Variants in SSBP3 observed in about 807,000 individuals in gnomAD.
The protein encoded by SSBP3 is single stranded DNA binding protein 3, also known as single-stranded DNA-binding protein 3.
SSBP3 carries 5 observed loss-of-function variants against 69.6 expected under a neutral mutation model. The observed-to-expected ratio is 0.07, with a 90% CI of 0.04 to 0.15. SSBP3 has a LOEUF of 0.15. Among genes scored for constraint, SSBP3 ranks in the 10% least tolerant of loss-of-function variants. The probability of loss-of-function intolerance (pLI) is 1.00; values close to 1 mark genes in which losing one functional copy is unlikely to be tolerated. For missense variants in SSBP3, 312 were observed against 534.0 expected, an observed-to-expected ratio of 0.58 and a Z score of 4.10; for synonymous variants, 196 against 193.4, an observed-to-expected ratio of 1.01 and a Z score of -0.11.
Position 54,337,485 on chromosome 1 carries a change from C to CTTTTTTTTTTTTTTTTTTTTT in SSBP3, c.277-55979_277-55959dup, listed in dbSNP as rs869039822. ...ACCAAAGCATTTTGTTTTCCTCAAGCTTTTTTTTTTTTTTTTTTTTTTTTT... is the reference window on the plus strand; with the variant it reads ...ACCAAAGCATTTTGTTTTCCTCAAGCTTTTTTTTTTTTTTTTTTTTTTTTTTTTTTTTTTTTTTTTTTTTTT... On this transcript the variant is annotated intron_variant, in intron 4 of 17. Transcript: ENST00000610401. Among the ~76,000 whole-genome samples, 13 of 51,166 alleles carry CTTTTTTTTTTTTTTTTTTTTT rather than the reference C, an allele frequency of 2.5e-4. 4 individuals carry two copies. The highest frequency in any genetic ancestry group is 1.7e-3 in the South Asian group (2 of 1,190). The allele number at this position is 51,166 out of a possible 152,430, so 33.6% of individuals were successfully genotyped here. A position where few individuals can be genotyped will look rare whatever the true frequency, so the allele number is the denominator to read the frequency against.
exon 18 of SSBP3, chr1:54,225,462 G>C: frequency 3.3e-6 from 4 of 1,205,080 alleles, no homozygotes; most frequent in Non-Finnish European, 4.2e-6. Flanking sequence ...TTAATAAAAC[G>C]TTATCAACAT....
At position 54,398,098 on chromosome 1, in the gene SSBP3, T is replaced by C. The variant is rs139647845; in HGVS notation, c.276+3763A>G. On this transcript the variant is annotated intron_variant, in intron 4 of 17. Transcript: ENST00000610401. ...GTCAATAAAAGCTGAGAGGCAGAAC[T>C]AGAAAGATAGAGGATTTCTAGTCTC... Among the ~76,000 whole-genome samples, 4 of 152,288 alleles carry C rather than the reference T, an allele frequency of 2.6e-5. No individual in the cohort carries two copies. The East Asian group carries it at 7.7e-4, about 29-fold the overall frequency.
intron 9 of SSBP3, among the ~76,000 whole-genome samples, chr1:54,244,827 C>T (rs539923260): frequency 1.3e-5 from 2 of 152,266 alleles, no homozygotes; most frequent in African/African-American, 2.4e-5. Context: ...CCCACCCCTT[C>T]GGGCTGACTG....
chr1:54,304,327 C>G (rs1210887330), intron 4 of SSBP3, among the ~76,000 whole-genome samples: 2 of 151,850 alleles, frequency 1.3e-5, no homozygotes, highest in Non-Finnish European at 2.9e-5. Flanking sequence ...TGGCCTGGAA[C>G]CAGTCACCTA....
chr1:54,256,768 T>A (rs1325444949), intron 7 of SSBP3, among the ~76,000 whole-genome samples: 1 of 152,150 alleles, frequency 6.6e-6, no homozygotes, highest in Non-Finnish European at 1.5e-5. Flanking sequence ...ATTAGCTTCA[T>A]TAAGGAGGAA....
intron 9 of SSBP3, among the ~76,000 whole-genome samples, chr1:54,243,613 C>T (rs888725634): frequency 6.6e-6 from 1 of 152,190 alleles, no homozygotes; most frequent in African/African-American, 2.4e-5. Context: ...TCATCCTGTA[C>T]CTTCCCCCTG....
intron 4 of SSBP3, among the ~76,000 whole-genome samples, chr1:54,376,373 A>G (rs1647237088): frequency 6.6e-6 from 1 of 152,052 alleles, no homozygotes; most frequent in Non-Finnish European, 1.5e-5. Flanking sequence ...CCCACTACCC[A>G]TTTCTTGCTT....
rs1341950375 is a variant in SSBP3, at chr1:54,391,326, T to C, written c.276+10535A>G. On this transcript the variant is annotated intron_variant, in intron 4 of 17. Coordinates refer to ENST00000610401, the Ensembl canonical transcript of SSBP3. The stretch of plus-strand genomic sequence containing the variant: ...ACCAGACAACTTACCCAAGGCCATC[T>C]GAAAGAATCAGATCTTGTACCTTGG... Among the ~76,000 whole-genome samples the C allele has an allele frequency of 2.0e-5, 3 of 152,236 alleles. No homozygotes were observed. The East Asian group carries it at 5.8e-4, about 29-fold the overall frequency.
At chr1:54,288,435 A>G (rs941697915) in intron 4 of SSBP3, among the ~76,000 whole-genome samples, 1 of 152,218 alleles carries the variant, frequency 6.6e-6, no homozygotes, top group Non-Finnish European at 1.5e-5. Context: ...TGTCAGGGCC[A>G]GGCCATCAGA....
chr1:54,354,837 G>A (rs973006448), intron 4 of SSBP3, among the ~76,000 whole-genome samples: 1 of 152,236 alleles, frequency 6.6e-6, no homozygotes, highest in Non-Finnish European at 1.5e-5. Context: ...GCCTTAGGGA[G>A]GAGTGGACTT....
chr1:54,352,219 G>T (rs1257789004), intron 4 of SSBP3, among the ~76,000 whole-genome samples: 2 of 133,862 alleles, frequency 1.5e-5, no homozygotes, highest in African/African-American at 5.7e-5. Context: ...GGCTAGACAC[G>T]GCTCAGGGTA....
At chr1:54,362,774 C>T (rs1170162699) in intron 4 of SSBP3, among the ~76,000 whole-genome samples, 1 of 152,170 alleles carries the variant, frequency 6.6e-6, no homozygotes, top group African/African-American at 2.4e-5. Flanking sequence ...TTTGTCTGAG[C>T]ATCTGAGCCA....
At chr1:54,402,373 C>A (rs561481300) in intron 3 of SSBP3, among the ~76,000 whole-genome samples, 2 of 152,272 alleles carry the variant, frequency 1.3e-5, no homozygotes, top group South Asian at 2.1e-4. Context: ...CCACCCAAAC[C>A]AAAATGGCTG....
rs559633752 is a variant in SSBP3, at chr1:54,259,631, G to A, written c.367-1482C>T. 2.7e-4 allele frequency among the ~76,000 whole-genome samples: 41 copies of A among 152,394 alleles called. No individual in the cohort carries two copies. In the South Asian group the frequency reaches 7.9e-3, roughly 29 times the overall value. ...AAGAGAGAGGAGCTGCCTAGGTAGGGTTTCCCCCTTGGCCTTCTCCTGCAG... is the reference window on the plus strand; with the variant it reads ...AAGAGAGAGGAGCTGCCTAGGTAGGATTTCCCCCTTGGCCTTCTCCTGCAG... On this transcript the variant is annotated intron_variant, in intron 5 of 17. Transcript: ENST00000610401.
At chr1:54,398,733 C>G (rs1649073586) in intron 4 of SSBP3, among the ~76,000 whole-genome samples, 1 of 152,248 alleles carries the variant, frequency 6.6e-6, no homozygotes, top group South Asian at 2.1e-4. Context: ...CCGTGACCCT[C>G]CTCCCATGAC....
intron 9 of SSBP3, among the ~76,000 whole-genome samples, chr1:54,251,083 G>T (rs147362044): frequency 1.3e-5 from 2 of 152,322 alleles, no homozygotes; most frequent in African/African-American, 2.4e-5. Context: ...CCAGAGAATC[G>T]CGGACACAGT....
At chr1:54,292,297 C>T (rs1645621708) in intron 4 of SSBP3, among the ~76,000 whole-genome samples, 1 of 152,240 alleles carries the variant, frequency 6.6e-6, no homozygotes, top group Non-Finnish European at 1.5e-5. Flanking sequence ...CAGACTGACA[C>T]AAGAGAGGAC....
chr1:54,331,239 G>A (rs1316645106), intron 4 of SSBP3, among the ~76,000 whole-genome samples: 2 of 152,112 alleles, frequency 1.3e-5, no homozygotes, highest in Non-Finnish European at 2.9e-5. Flanking sequence ...CAGTATTACA[G>A]AAGTGTGTGC....
chr1:54,295,034 C>T (rs1645680594), intron 4 of SSBP3, among the ~76,000 whole-genome samples: 1 of 152,148 alleles, frequency 6.6e-6, no homozygotes, highest in Non-Finnish European at 1.5e-5. Flanking sequence ...TTTTTGCAAT[C>T]AGAGACAAAC....
Sources: allele counts gnomAD v4.1 joint callset (sites outside exome capture counted in the v4.1 genomes callset), GRCh38; gene constraint gnomAD v4.1.1; transcripts MANE v1.5; gene names NCBI Gene and HGNC (gene_info 2026-07-23, HGNC 2026-07-21).